Variants in OSBPL7 observed in about 807,000 individuals in gnomAD.
OSBPL7 encodes oxysterol binding protein like 7.
Under a neutral mutation model 115.8 loss-of-function variants are expected in OSBPL7, and 66 were observed. The observed-to-expected ratio is 0.57, with a 90% CI of 0.47 to 0.70. The LOEUF is 0.70. Among genes scored for constraint, OSBPL7 ranks in the 30% least tolerant of loss-of-function variants. The pLI is 0.00. For missense variants in OSBPL7, 902 were observed against 1,125.5 expected (o/e 0.80, Z 2.84); for synonymous variants, 441 against 439.2 (o/e 1.00, Z -0.05).
In OSBPL7 at chr17:47,818,270, A is replaced by G. The variant is rs1567944558; in HGVS notation, c.597T>C (p.His199=). The G allele has an allele frequency of 6.2e-7, 1 of 1,612,610 alleles. No individual in the cohort carries two copies. Among genetic ancestry groups the G allele is most frequent in the Non-Finnish European group, 8.5e-7 (1 of 1,179,286 alleles). ...GGTGCTGCGCCTAGGGCCCCTCACC[A>G]TGAGAGCAGCGGTCCAGCCCATCAC... ...RDSDGLDRCS[H]ELSECQGKLQ... Residue 199 remains histidine (H), a splice_region_variant and synonymous_variant, in exon 7 of 23, where the codon CAT becomes CAC. Transcript: ENST00000007414.
At position 47,808,547 on chromosome 17, in the gene OSBPL7, C is replaced by A; in HGVS notation, c.2411G>T (p.Arg804Leu). The A allele has an allele frequency of 1.2e-6, 2 of 1,614,200 alleles. No individual in the cohort carries two copies. Among genetic ancestry groups the A allele is most frequent in the Non-Finnish European group, 1.7e-6 (2 of 1,180,018 alleles). Residue 804 changes from arginine to leucine, a missense_variant, in exon 22 of 23, where the codon CGC becomes CTC. Physicochemically the swap from Arg to Leu is moderately radical, Grantham distance 102. This residue lies in a region of OSBPL7 where 230 missense variants were observed against 312.7 expected (regional missense o/e 0.74). Coordinates refer to ENST00000007414, the MANE Select transcript of OSBPL7 (RefSeq NM_145798.3). This position sits in a 1 kb window ranked among gnomAD's most constrained non-coding sequence, Gnocchi z 6.1. Reference protein sequence around the residue: ...MEENNIVHQARFFRRQTDSSG... With the variant: ...MEENNIVHQALFFRRQTDSSG... The stretch of plus-strand genomic sequence containing the variant: ...GGCGAGGCCGAGGCACCTGAAGAAG[C>A]GAGCCTGGTGTACGATGTTGTTTTC...
intron 14 of OSBPL7, among the ~76,000 whole-genome samples, chr17:47,814,143 G>A (rs529188917): frequency 6.6e-6 from 1 of 152,342 alleles, no homozygotes; most frequent in South Asian, 2.1e-4. Flanking sequence ...TATAAACACA[G>A]AAACAGAGGT....
In OSBPL7 at chr17:47,808,881, T is replaced by C; in HGVS notation, c.2280A>G (p.Arg760=). The C allele has an allele frequency of 1.2e-6, 2 of 1,614,088 alleles. No homozygotes were observed. The highest frequency in any genetic ancestry group is 1.3e-5 in the African/African-American group (1 of 74,992). The change falls in exon 21 of 23, where the codon AGA becomes AGG. Residue 760 remains arginine (R), a synonymous_variant. Coordinates refer to ENST00000007414, the MANE Select transcript of OSBPL7 (RefSeq NM_145798.3). The surrounding 1 kb of genome is among the most constrained non-coding windows in gnomAD (Gnocchi z 6.1). The part of the protein sequence containing the change: ...LKRSLPSTDT[R]LRPDQRYLEE... Reference sequence around the variant, plus strand: ...GCACTGACCTCTGGTCTGGCCGGAGTCTCGTGTCGGTGGAAGGCAGCGACC... The same window carrying C: ...GCACTGACCTCTGGTCTGGCCGGAGCCTCGTGTCGGTGGAAGGCAGCGACC...
intron 16 of OSBPL7, among the ~76,000 whole-genome samples, chr17:47,812,265 G>A (rs1388372572): frequency 6.6e-6 from 1 of 152,158 alleles, no homozygotes; most frequent in African/African-American, 2.4e-5. Flanking sequence ...AGGTCCCAGG[G>A]ACCCGCGACC....
chr17:47,818,201 C>T, intron 7 of OSBPL7, 68 bp downstream of exon 7: 2 of 1,367,212 alleles, frequency 1.5e-6, no homozygotes, highest in Non-Finnish European at 2.0e-6. Flanking sequence ...ATGGAGGTAA[C>T]ATTTTCCCCT....
chr17:47,812,997 C>T (rs1285851028), intron 16 of OSBPL7, among the ~76,000 whole-genome samples: 1 of 152,236 alleles, frequency 6.6e-6, no homozygotes, highest in Non-Finnish European at 1.5e-5. Flanking sequence ...TTCTCCCCAG[C>T]CCCTGTACTC....
chr17:47,813,369 G>A lies in OSBPL7; in HGVS notation c.1634C>T (p.Ser545Phe). 1.9e-6 allele frequency: 3 copies of A among 1,614,052 alleles called. No homozygotes were observed. Among genetic ancestry groups the A allele is most frequent in the Non-Finnish European group, 1.7e-6 (2 of 1,180,046 alleles). ...YIAAFAVSAYSSTYHRAGCKP... is the reference protein window; with the variant it reads ...YIAAFAVSAYFSTYHRAGCKP... ...GCAGCCGGCTCGGTGGTATGTGGAGGAGTAGGCCGAGACAGCAAAGGCTGC... is the reference window on the plus strand; with the variant it reads ...GCAGCCGGCTCGGTGGTATGTGGAGAAGTAGGCCGAGACAGCAAAGGCTGC... Residue 545 changes from serine (S) to phenylalanine (F), a missense_variant, in exon 16 of 23, where the codon TCC becomes TTC. Physicochemically the swap from Ser to Phe is radical, Grantham distance 155 (BLOSUM62 -2). This residue lies in a region of OSBPL7 where 667 missense variants were observed against 788.7 expected (regional missense o/e 0.85). Transcript: ENST00000007414.
At position 47,809,832 on chromosome 17, in the gene OSBPL7, G is replaced by A. The variant is rs182395666; in HGVS notation, c.1881-354C>T. ...TATTACTTCTTACTGTCATGTCACAGGCAAGCAGGCTCAAGGCTCTGAAGT... is the reference window on the plus strand; with the variant it reads ...TATTACTTCTTACTGTCATGTCACAAGCAAGCAGGCTCAAGGCTCTGAAGT... On this transcript the variant is annotated intron_variant, in intron 18 of 22. Coordinates refer to ENST00000007414, the MANE Select transcript of OSBPL7 (RefSeq NM_145798.3). Among the ~76,000 whole-genome samples, 35 of 152,158 alleles carry A rather than the reference G, an allele frequency of 2.3e-4. No homozygotes were observed. In the East Asian group the frequency reaches 4.8e-3, roughly 21 times the overall value.
Position 47,808,785 on chromosome 17 carries a change from GA to G in OSBPL7, c.2297+78del. On this transcript the variant is annotated intron_variant, in intron 21 of 22. Transcript: ENST00000007414. The surrounding 1 kb of genome is among the most constrained non-coding windows in gnomAD (Gnocchi z 6.1). Reference sequence around the variant, plus strand: ...ACTTCTCTGAGGCCACTCAGTGAAGGAAGGACAAAGCCCCAGCTCTGTACTC... The same window carrying G: ...ACTTCTCTGAGGCCACTCAGTGAAGGAGGACAAAGCCCCAGCTCTGTACTC... 6.2e-7 allele frequency: 1 copy of G among 1,603,986 alleles called. No homozygotes were observed. Among genetic ancestry groups the G allele is most frequent in the Non-Finnish European group, 8.5e-7 (1 of 1,172,726 alleles).
At chr17:47,819,646 G>A in intron 4 of OSBPL7, 83 bp downstream of exon 4, 3 of 1,536,102 alleles carry the variant, frequency 2.0e-6, no homozygotes, top group Non-Finnish European at 2.7e-6. Flanking sequence ...CCCTGCTCTG[G>A]TCGATTCCAG....
chr17:47,810,813 G>A lies in OSBPL7; in HGVS notation c.1760C>T (p.Ser587Leu), dbSNP rs759063120. 3.1e-6 allele frequency: 5 copies of A among 1,613,848 alleles called. No homozygotes were observed. Among genetic ancestry groups the A allele is most frequent in the South Asian group, 1.1e-5 (1 of 91,012 alleles). Residue 587 changes from serine (S) to leucine (L), a missense_variant, in exon 17 of 23, where the codon TCG becomes TTG. By Grantham distance (145) the Ser-to-Leu change is moderately radical. This residue lies in a region of OSBPL7 where 667 missense variants were observed against 788.7 expected (regional missense o/e 0.85). Coordinates refer to ENST00000007414, the MANE Select transcript of OSBPL7 (RefSeq NM_145798.3). ...SEQVSHHPPI[S>L]ACHAESENFA... ...GTTCTCAGACTCTGCATGGCAGGCC[G>A]AGATAGGGGGGTGGTGGGAGACCTT...
intron 14 of OSBPL7, among the ~76,000 whole-genome samples, chr17:47,814,294 C>T (rs2033142317): frequency 1.3e-5 from 2 of 152,228 alleles, no homozygotes; most frequent in Admixed American, 1.3e-4. Context: ...AAGCCTGCTG[C>T]AACAGAGGCC....
Position 47,808,053 on chromosome 17 carries a change from T to A in OSBPL7, c.*238A>T. ...GTGAAGCGGGAAGGGTCTTACATGC[T>A]GGTTGTCTGGGGCAAGGAGACTGGG... On this transcript the variant is annotated 3_prime_UTR_variant, in exon 23 of 23. Coordinates refer to ENST00000007414, the MANE Select transcript of OSBPL7 (RefSeq NM_145798.3). This position sits in a 1 kb window ranked among gnomAD's most constrained non-coding sequence, Gnocchi z 6.1. 1.8e-6 allele frequency: 1 copy of A among 566,976 alleles called. No individual in the cohort carries two copies. The highest frequency in any genetic ancestry group is 3.2e-6 in the Non-Finnish European group (1 of 315,772). 35.1% of individuals were successfully genotyped at this position (566,976 alleles called of 1,614,324 possible).
Position 47,819,010 on chromosome 17 carries a change from A to C in OSBPL7, c.345T>G (p.Thr115=). ...CCTTGAGGTGGTAGATGTTGTCTTCAGTGTCAAGGTCAATGCGCTGGGCCT... is the reference window on the plus strand; with the variant it reads ...CCTTGAGGTGGTAGATGTTGTCTTCCGTGTCAAGGTCAATGCGCTGGGCCT... ...NKKAQRIDLD[T]EDNIYHLKIK... Residue 115 remains threonine, a synonymous_variant, in exon 5 of 23, where the codon ACT becomes ACG. Coordinates refer to ENST00000007414, the MANE Select transcript of OSBPL7 (RefSeq NM_145798.3). 1 of 1,614,156 alleles carries C rather than the reference A, an allele frequency of 6.2e-7. No individual in the cohort carries two copies. The highest frequency in any genetic ancestry group is 8.5e-7 in the Non-Finnish European group (1 of 1,179,998).
rs539255812 is a variant in OSBPL7 at position 47,818,318 on chromosome 17, T to C, written c.549A>G (p.Lys183=). The part of the protein sequence containing the change: ...SALPGLGPRE[K]VSSWLRDSDG... ...CACTGTCCCTCAGCCAGGAAGACAC[T>C]TTCTCCCGCGGTCCAAGCCCAGGTA... Residue 183 remains lysine, a synonymous_variant, in exon 7 of 23, where the codon AAA becomes AAG. Coordinates refer to ENST00000007414, the MANE Select transcript of OSBPL7 (RefSeq NM_145798.3). 40 of 1,614,066 alleles carry C rather than the reference T, an allele frequency of 2.5e-5. No individual in the cohort carries two copies. The East Asian group carries it at 8.0e-4, about 32-fold the overall frequency.
At chr17:47,819,360 G>A (rs2033326634) in intron 4 of OSBPL7, 1 of 564,432 alleles carries the variant, frequency 1.8e-6, no homozygotes, top group Admixed American at 3.1e-5. Flanking sequence ...GCAGGGTTGT[G>A]GAAGGCAACA....
In OSBPL7 at chr17:47,809,119, C is replaced by T; in HGVS notation, c.2127G>A (p.Leu709=). Residue 709 remains leucine (L), a synonymous_variant, in exon 20 of 23, where the codon CTG becomes CTA. Coordinates refer to ENST00000007414, the MANE Select transcript of OSBPL7 (RefSeq NM_145798.3). ...GGCCACCTGGCGTGGGTCCCCGGTACAGCCCCTCGTGCCACTTCCCAAAGA... is the reference window on the plus strand; with the variant it reads ...GGCCACCTGGCGTGGGTCCCCGGTATAGCCCCTCGTGCCACTTCCCAAAGA... ...HRLFGKWHEG[L]YRGPTPGGQC... is the part of the protein sequence containing the mutation. The T allele has an allele frequency of 6.2e-7, 1 of 1,614,192 alleles. No homozygotes were observed. Among genetic ancestry groups the T allele is most frequent in the Non-Finnish European group, 8.5e-7 (1 of 1,180,052 alleles).
chr17:47,814,104 G>A (rs560053675), intron 14 of OSBPL7, among the ~76,000 whole-genome samples: 7 of 152,302 alleles, frequency 4.6e-5, no homozygotes, highest in Admixed American at 1.3e-4. Context: ...AGCCCCTCCC[G>A]AGTCCTCACC....
At chr17:47,821,604 C>A (rs2033395595) in intron 1 of OSBPL7, 62 bp downstream of exon 1, 1 of 152,298 alleles carries the variant, frequency 6.6e-6, no homozygotes, top group Admixed American at 6.5e-5. Context: ...GCAGACCCAC[C>A]AGCTTCAGGT....
Sources: gnomAD v4.1 joint callset for allele counts (sites outside exome capture counted in the v4.1 genomes callset) on GRCh38, gnomAD v4.1.1 for gene constraint, gnomAD v4.1.1 regional missense constraint, Gnocchi (gnomAD v3.1) non-coding constraint, MANE v1.5 for transcripts, NCBI Gene and HGNC (gene_info 2026-07-23, HGNC 2026-07-21) for gene names.